Variants in SMYD3 observed in about 807,000 individuals in gnomAD.
SMYD3 encodes histone-lysine N-methyltransferase SMYD3.
Under a neutral mutation model 57.7 loss-of-function variants are expected in SMYD3, and 36 were observed. That is an observed-to-expected ratio of 0.62 (90% CI 0.48 to 0.82). The LOEUF is 0.82. SMYD3 is among the 40% of genes least tolerant of loss of function. The pLI, the probability that SMYD3 is intolerant of heterozygous loss-of-function variation, is 0.00. For synonymous variants in SMYD3, 211 were observed against 195.0 expected, an observed-to-expected ratio of 1.08 and a Z score of -0.68; for missense variants, 515 against 538.8, an observed-to-expected ratio of 0.96 and a Z score of 0.44.
intron 5 of SMYD3, among the ~76,000 whole-genome samples, chr1:246,205,645 C>T (rs1373522584): frequency 1.3e-5 from 2 of 152,144 alleles, no homozygotes; most frequent in Non-Finnish European, 2.9e-5. Flanking sequence ...TATGGTGAAA[C>T]CCCGTCTCTA....
intron 5 of SMYD3, among the ~76,000 whole-genome samples, chr1:246,185,611 G>A (rs761921942): frequency 2.6e-5 from 4 of 151,916 alleles, no homozygotes; most frequent in African/African-American, 4.8e-5. Flanking sequence ...ACAGGCGCCC[G>A]CCACCACGCC....
intron 11 of SMYD3, among the ~76,000 whole-genome samples, chr1:245,756,057 T>G (rs1451088728): frequency 6.7e-6 from 1 of 149,668 alleles, no homozygotes; most frequent in African/African-American, 2.4e-5. Context: ...AGTGTATTAC[T>G]TTATATAGTT....
intron 5 of SMYD3, among the ~76,000 whole-genome samples, chr1:246,106,215 C>T (rs980191858): frequency 2.0e-5 from 3 of 152,162 alleles, no homozygotes; most frequent in African/African-American, 7.2e-5. Context: ...TCTTGCCATT[C>T]ATTACATTGT....
chr1:246,413,957 C>T (rs960254352), intron 1 of SMYD3, among the ~76,000 whole-genome samples: 10 of 152,240 alleles, frequency 6.6e-5, no homozygotes, highest in East Asian at 1.9e-4. Context: ...ATTAACCTTA[C>T]GAATTAAATA....
intron 5 of SMYD3, among the ~76,000 whole-genome samples, chr1:246,101,064 GTTTTTTGTT>G (rs1455770338): frequency 1.0e-4 from 8 of 78,558 alleles, no homozygotes; most frequent in African/African-American, 1.5e-4. Flanking sequence ...ATTTTTAGGG[GTTTTTTGTT>G]TTTTTTTTTT....
rs112337178 is a variant in SMYD3 at position 245,880,741 on chromosome 1, C to T, written c.814-16855G>A. 8.3e-4 allele frequency among the ~76,000 whole-genome samples: 127 copies of T among 152,274 alleles called. 3 individuals are homozygous for T. Among genetic ancestry groups the T allele is most frequent in the African/African-American group, 2.7e-3 (111 of 41,536 alleles). On this transcript the variant is annotated intron_variant, in intron 8 of 11. Coordinates refer to ENST00000490107, the MANE Select transcript of SMYD3 (RefSeq NM_001167740.2). ...GAGTGCTCTCTGCTACACCACACTG[C>T]CTCAAATATTCAAGTACTTGAAGAC...
At chr1:246,435,380 T>C (rs2067355882) in intron 1 of SMYD3, among the ~76,000 whole-genome samples, 1 of 152,154 alleles carries the variant, frequency 6.6e-6, no homozygotes. Context: ...AAAATGTATA[T>C]ACATTTTTTT....
At chr1:246,465,886 G>A (rs966361772) in intron 1 of SMYD3, among the ~76,000 whole-genome samples, 3 of 152,032 alleles carry the variant, frequency 2.0e-5, no homozygotes, top group African/African-American at 4.8e-5. Context: ...ATTCTCGTGC[G>A]CCTGCCTACT....
intron 1 of SMYD3, among the ~76,000 whole-genome samples, chr1:246,498,964 GT>G (rs576709325): frequency 3.6e-4 from 52 of 142,734 alleles, no homozygotes; most frequent in African/African-American, 4.9e-4. Context: ...ATAATTTTTT[GT>G]TTTTTTTTTT....
At chr1:246,388,047 C>T (rs1292536045) in intron 1 of SMYD3, among the ~76,000 whole-genome samples, 3 of 67,920 alleles carry the variant, frequency 4.4e-5, no homozygotes, top group Non-Finnish European at 9.2e-5. Context: ...TGAAAATCAC[C>T]TCGAGGTTGA....
At chr1:246,023,891 A>G (rs2059524144) in intron 5 of SMYD3, among the ~76,000 whole-genome samples, 1 of 151,358 alleles carries the variant, frequency 6.6e-6, no homozygotes, top group South Asian at 2.1e-4. Context: ...AGTAGTTGTT[A>G]GCTACTATTT....
chr1:246,477,298 T>G (rs1274896881), intron 1 of SMYD3, among the ~76,000 whole-genome samples: 1 of 152,180 alleles, frequency 6.6e-6, no homozygotes, highest in Non-Finnish European at 1.5e-5. Context: ...AAATTAACAT[T>G]TAGTCTTACT....
chr1:245,766,437 G>A (rs1278067708), intron 10 of SMYD3, among the ~76,000 whole-genome samples: 1 of 150,390 alleles, frequency 6.6e-6, no homozygotes, highest in Non-Finnish European at 1.5e-5. Flanking sequence ...TGAAAAGGGA[G>A]CGGAAGGGGG....
chr1:246,253,152 A>G (rs569404002), intron 5 of SMYD3, among the ~76,000 whole-genome samples: 107 of 151,754 alleles, frequency 7.1e-4, no homozygotes, highest in African/African-American at 2.4e-3. Context: ...CCAAGGGGGT[A>G]CATGCGCAGG....
intron 10 of SMYD3, among the ~76,000 whole-genome samples, chr1:245,799,102 T>C (rs768034355): frequency 1.3e-5 from 2 of 152,218 alleles, no homozygotes; most frequent in African/African-American, 2.4e-5. Context: ...AGATGATAAA[T>C]GCTCCCAGAG....
intron 8 of SMYD3, among the ~76,000 whole-genome samples, chr1:245,873,267 A>C (rs897996782): frequency 6.6e-6 from 1 of 152,238 alleles, no homozygotes; most frequent in Non-Finnish European, 1.5e-5. Context: ...AATGGGGATT[A>C]GATGACACAG....
intron 1 of SMYD3, among the ~76,000 whole-genome samples, chr1:246,431,051 G>A (rs975739968): frequency 1.3e-5 from 2 of 152,168 alleles, no homozygotes; most frequent in African/African-American, 4.8e-5. Flanking sequence ...GGACTAGCAA[G>A]GATGGGGTAG....
chr1:246,124,944 C>T (rs569654875), intron 5 of SMYD3, among the ~76,000 whole-genome samples: 1 of 151,938 alleles, frequency 6.6e-6, no homozygotes, highest in African/African-American at 2.4e-5. Context: ...TGGTGGCGGG[C>T]GCCTGTAGTC....
chr1:245,781,912 C>T (rs2046841631), intron 10 of SMYD3, among the ~76,000 whole-genome samples: 2 of 151,968 alleles, frequency 1.3e-5, no homozygotes, highest in Non-Finnish European at 2.9e-5. Flanking sequence ...GAAGTTATAG[C>T]GAGACAAGAT....
Sources: gnomAD v4.1 joint callset for allele counts (sites outside exome capture counted in the v4.1 genomes callset) on GRCh38, gnomAD v4.1.1 for gene constraint, MANE v1.5 for transcripts, NCBI Gene and HGNC (gene_info 2026-07-23, HGNC 2026-07-21) for gene names.